Variants in HERC5 observed in about 807,000 individuals in gnomAD.
HERC5 encodes the protein E3 ISG15--protein ligase HERC5.
HERC5 carries 99 observed loss-of-function variants against 119.6 expected under a neutral mutation model. The observed-to-expected ratio is 0.83, with a 90% CI of 0.70 to 0.98. The LOEUF is 0.98. Ranked by LOEUF, HERC5 falls within the 50% of genes least tolerant of loss-of-function variation. The probability of loss-of-function intolerance (pLI) is 0.00; values close to 1 mark genes in which losing one functional copy is unlikely to be tolerated. For missense variants in HERC5, 1,267 were observed against 1,241.3 expected (o/e 1.02, Z -0.31); for synonymous variants, 478 against 445.9 (o/e 1.07, Z -0.91).
intron 8 of HERC5, 65 bp downstream of exon 8, chr4:88,468,487 C>A: frequency 8.7e-7 from 1 of 1,155,736 alleles, no homozygotes; most frequent in Non-Finnish European, 1.3e-6. Flanking sequence ...GTTCTAGTAT[C>A]CCAGTTTGGT....
chr4:88,461,499 A>T (rs1202193962), intron 3 of HERC5, among the ~76,000 whole-genome samples: 3 of 152,210 alleles, frequency 2.0e-5, no homozygotes, highest in African/African-American at 7.2e-5. Flanking sequence ...GCTTCCCACC[A>T]CATCCTGCAC....
chr4:88,500,094 T>A, intron 19 of HERC5, 102 bp downstream of exon 19: 4 of 715,492 alleles, frequency 5.6e-6, no homozygotes, highest in Non-Finnish European at 9.3e-6. Context: ...AAAACCTGAA[T>A]AAATTAGTGA....
intron 4 of HERC5, 138 bp downstream of exon 4, chr4:88,462,494 G>A: frequency 1.4e-6 from 1 of 716,448 alleles, no homozygotes; most frequent in Admixed American, 2.3e-5. Flanking sequence ...TGTCTTCAGG[G>A]CAGAATCAGT....
At position 88,490,609 on chromosome 4, in the gene HERC5, T is replaced by C. The variant is rs867973343; in HGVS notation, c.2133+1273T>C. ...CTGTAATCCTAGCACTTTAGGAGAC[T>C]GAGGTGGGCAGATCACCTGAGGTCA... On this transcript the variant is annotated intron_variant, in intron 16 of 22. Transcript: ENST00000264350. Among the ~76,000 whole-genome samples the C allele has an allele frequency of 3.9e-5, 6 of 152,282 alleles. No homozygotes were observed. In the South Asian group the frequency reaches 8.3e-4, roughly 21 times the overall value.
chr4:88,470,833 TACAC>T (rs1424889541), intron 10 of HERC5, among the ~76,000 whole-genome samples, 160 bp downstream of exon 10: 3 of 152,022 alleles, frequency 2.0e-5, no homozygotes, highest in African/African-American at 7.2e-5. Context: ...ATGTCAAAAA[TACAC>T]ACAATAAAAA....
chr4:88,485,266 C>G (rs1279346613), intron 13 of HERC5, among the ~76,000 whole-genome samples: 1 of 152,104 alleles, frequency 6.6e-6, no homozygotes, highest in African/African-American at 2.4e-5. Context: ...TTGTCAGGCT[C>G]CCCACCTCAG....
In HERC5 at chr4:88,497,717, G is replaced by A. The variant is rs73841948; in HGVS notation, c.2445-2209G>A. 8.1e-3 allele frequency among the ~76,000 whole-genome samples: 1,229 copies of A among 152,298 alleles called. 19 individuals carry two copies. Among genetic ancestry groups the A allele is most frequent in the African/African-American group, 0.028 (1,149 of 41,546 alleles). On this transcript the variant is annotated intron_variant, in intron 18 of 22. Coordinates refer to ENST00000264350, the MANE Select transcript of HERC5 (RefSeq NM_016323.4). Reference sequence around the variant, plus strand: ...TGGCCATGTTGTAAAGAATGCAAACGTGTTTGGAAGAGAGCACCAAGGGTA... The same window carrying A: ...TGGCCATGTTGTAAAGAATGCAAACATGTTTGGAAGAGAGCACCAAGGGTA...
chr4:88,458,530 T>C (rs1012586115), intron 1 of HERC5, among the ~76,000 whole-genome samples: 2 of 152,180 alleles, frequency 1.3e-5, no homozygotes, highest in East Asian at 1.9e-4. Context: ...TTCCTTTTTT[T>C]CAACTGATTT....
At chr4:88,460,272 A>G in intron 3 of HERC5, 101 bp downstream of exon 3, 1 of 558,802 alleles carries the variant, frequency 1.8e-6, no homozygotes, top group Non-Finnish European at 3.2e-6. Context: ...GGACAGAAAT[A>G]CAGTTTTGAA....
intron 18 of HERC5, among the ~76,000 whole-genome samples, chr4:88,497,036 A>T (rs1741813771): frequency 6.6e-6 from 1 of 152,140 alleles, no homozygotes; most frequent in Admixed American, 6.5e-5. Flanking sequence ...TTAGATTCAG[A>T]CACCGAATCT....
intron 13 of HERC5, among the ~76,000 whole-genome samples, chr4:88,480,561 A>G (rs1429528257): frequency 6.6e-6 from 1 of 152,038 alleles, no homozygotes; most frequent in Non-Finnish European, 1.5e-5. Flanking sequence ...TTCATACCTA[A>G]TTCTAGAATT....
intron 12 of HERC5, among the ~76,000 whole-genome samples, chr4:88,478,297 T>A (rs1287119537): frequency 6.6e-6 from 1 of 152,214 alleles, no homozygotes; most frequent in Non-Finnish European, 1.5e-5. Context: ...TACTAAAATA[T>A]TTTGTTATGT....
chr4:88,473,336 A>T (rs1740942685), intron 11 of HERC5: 1 of 147,126 alleles, frequency 6.8e-6, no homozygotes, highest in Non-Finnish European at 1.5e-5. Context: ...GCCTCACCCC[A>T]TTTTTTAATC....
At chr4:88,480,066 C>CAAAA (rs58577205) in intron 13 of HERC5, among the ~76,000 whole-genome samples, 1 of 93,940 alleles carries the variant, frequency 1.1e-5, no homozygotes, top group Non-Finnish European at 2.4e-5. Flanking sequence ...GACTCCGTCT[C>CAAAA]AAAAAAAAAA....
At chr4:88,498,854 AGCCAC>A (rs1447016842) in intron 18 of HERC5, among the ~76,000 whole-genome samples, 1 of 152,232 alleles carries the variant, frequency 6.6e-6, no homozygotes, top group Non-Finnish European at 1.5e-5. Flanking sequence ...TACAGGCGTG[AGCCAC>A]TGTACCTGGC....
rs758486816 is a variant in HERC5 at position 88,489,228 on chromosome 4, C to A, written c.2025C>A (p.Phe675Leu). The change falls in exon 16 of 23, where the codon TTC becomes TTA. Residue 675 changes from phenylalanine (F) to leucine (L), a missense_variant. This residue lies in a region of HERC5 where 473 missense variants were observed against 445.7 expected (regional missense o/e 1.06). Transcript: ENST00000264350. ...AAIEEERESE[F>L]ALRPTFDLTV... is the part of the protein sequence containing the mutation. ...TTGAGGAAGAAAGAGAGTCTGAATT[C>A]GCTTTGAGGCCCACGTTTGATCTAA... The A allele has an allele frequency of 1.2e-6, 2 of 1,613,678 alleles. No individual in the cohort carries two copies. The highest frequency in any genetic ancestry group is 2.7e-5 in the African/African-American group (2 of 74,894).
At chr4:88,466,383 A>C (rs1268399179) in intron 6 of HERC5, among the ~76,000 whole-genome samples, 1 of 152,138 alleles carries the variant, frequency 6.6e-6, no homozygotes, top group African/African-American at 2.4e-5. Context: ...CACCCCACCT[A>C]AATTGAGGGG....
intron 22 of HERC5, among the ~76,000 whole-genome samples, chr4:88,505,273 C>A (rs766161276): frequency 6.6e-6 from 1 of 152,144 alleles, no homozygotes; most frequent in Admixed American, 6.6e-5. Context: ...CCTTTCTAAA[C>A]CTTTCCATCC....
chr4:88,462,321 A>G lies in HERC5; in HGVS notation c.653A>G (p.Asn218Ser). ...MSGNIYSWGK[N>S]ECGQLGLGHT... is the part of the protein sequence containing the mutation. ...GGCAACATTTATTCATGGGGAAAAA[A>G]TGAATGTGGACAACTAGGCCTGGGC... The change falls in exon 4 of 23, where the codon AAT becomes AGT. Residue 218 changes from asparagine to serine, a missense_variant. By Grantham distance (46) the Asn-to-Ser change is conservative (BLOSUM62 1). Transcript: ENST00000264350. 6.2e-7 allele frequency: 1 copy of G among 1,614,240 alleles called. No individual in the cohort carries two copies. Among genetic ancestry groups the G allele is most frequent in the African/African-American group, 1.3e-5 (1 of 75,060 alleles).
Sources: gnomAD v4.1 joint callset for allele counts (sites outside exome capture counted in the v4.1 genomes callset) on GRCh38, gnomAD v4.1.1 for gene constraint, gnomAD v4.1.1 regional missense constraint, MANE v1.5 for transcripts, NCBI Gene and HGNC (gene_info 2026-07-23, HGNC 2026-07-21) for gene names.